The following MAP4 variants were observed in gnomAD, a reference collection of about 807,000 sequenced individuals.
MAP4 encodes the protein microtubule-associated protein 4.
In MAP4, 76 loss-of-function variants were observed where a neutral mutation model predicts 170.2. That is an observed-to-expected ratio of 0.45 (90% CI 0.37 to 0.54). The LOEUF (loss-of-function observed/expected upper bound fraction) is 0.54, where lower values mean the gene tolerates loss of function less well. Among genes scored for constraint, MAP4 ranks in the 20% least tolerant of loss-of-function variants. The pLI, the probability that MAP4 is intolerant of heterozygous loss-of-function variation, is 0.00. For synonymous variants in MAP4, 909 were observed against 994.5 expected (o/e 0.91, Z 1.62); for missense variants, 2,506 against 2,748.0 (o/e 0.91, Z 1.97).
At chr3:47,959,513 T>C (rs1464905703) in intron 3 of MAP4, among the ~76,000 whole-genome samples, 1 of 151,068 alleles carries the variant, frequency 6.6e-6, no homozygotes, top group Non-Finnish European at 1.5e-5. Context: ...TCCCAGCACT[T>C]TGGGAGGCCG....
At chr3:48,030,899 T>C (rs201480129) in intron 1 of MAP4, among the ~76,000 whole-genome samples, 16 of 135,014 alleles carry the variant, frequency 1.2e-4, no homozygotes, top group East Asian at 4.5e-4. Flanking sequence ...ATATAAACAA[T>C]AGACTGAATA....
chr3:47,867,274 T>C lies in MAP4; in HGVS notation c.6473A>G (p.Asn2158Ser), dbSNP rs374649835. The change falls in exon 17 of 21, where the codon AAT (asparagine) becomes AGT (serine). Residue 2158 changes from asparagine to serine, a missense_variant. Physicochemically the swap from Asn to Ser is conservative, Grantham distance 46. Around this residue, in one of 3 missense-constraint regions of MAP4, gnomAD observed 487 missense variants for 511.6 expected, o/e 0.95. Coordinates refer to ENST00000683076, the MANE Select transcript of MAP4 (RefSeq NM_001385682.1). ...ACCACCTCCAGGGACATGCTTAATA[T>C]TGTCCTTGGAACCACACTTGGACTG... ...HIQSKCGSKD[N>S]IKHVPGGGNV... is the part of the protein sequence containing the mutation. The C allele has an allele frequency of 3.1e-6, 5 of 1,613,200 alleles. No individual in the cohort carries two copies. The African/African-American group carries it at 6.7e-5, about 22-fold the overall frequency.
Position 47,998,851 on chromosome 3 carries a change from G to A in MAP4, c.10C>T (p.Leu4Phe). Reference protein sequence around the residue: MADLSLADALTEPS... With the variant: MADFSLADALTEPS... The stretch of plus-strand genomic sequence containing the variant: ...TCTGTTAATGCATCTGCAAGACTGA[G>A]GTCAGCCATTCTGCACCACTGCAAC... Residue 4 changes from leucine to phenylalanine, a missense_variant, in exon 2 of 21, where the codon CTC becomes TTC. By Grantham distance (22) the Leu-to-Phe change is conservative (BLOSUM62 0). Transcript: ENST00000683076. 1.2e-6 allele frequency: 2 copies of A among 1,613,618 alleles called. No individual in the cohort carries two copies. The highest frequency in any genetic ancestry group is 1.1e-5 in the South Asian group (1 of 91,068).
intron 3 of MAP4, among the ~76,000 whole-genome samples, chr3:47,939,580 G>GT (rs935708505): frequency 8.6e-5 from 13 of 150,670 alleles, no homozygotes; most frequent in East Asian, 3.9e-4. Context: ...GTGACATAAT[G>GT]TTTTTTTTTA....
chr3:47,942,781 A>T (rs2100057310), intron 3 of MAP4, among the ~76,000 whole-genome samples: 1 of 152,202 alleles, frequency 6.6e-6, no homozygotes, highest in Non-Finnish European at 1.5e-5. Flanking sequence ...GGAAAAATGT[A>T]TAAAGTTCTT....
rs1314140869 is a variant in MAP4, at chr3:48,087,693, A to ACG, written c.-20+1078_-20+1079dup. Among the ~76,000 whole-genome samples the ACG allele has an allele frequency of 1.1e-3, 162 of 151,542 alleles. 1 individual carries two copies. Among genetic ancestry groups the ACG allele is most frequent in the Non-Finnish European group, 1.4e-3 (97 of 67,846 alleles). On this transcript the variant is annotated intron_variant, in intron 1 of 18. Coordinates refer to the MAP4 transcript ENST00000360240. ...ACAGCAGCAGGGAAATGGGCGGGAG[A>ACG]CGCGCGCGCGCGCACACACACATAC...
At chr3:47,948,649 T>G (rs1277972282) in intron 3 of MAP4, among the ~76,000 whole-genome samples, 21 of 150,754 alleles carry the variant, frequency 1.4e-4, no homozygotes, top group Non-Finnish European at 3.0e-4. Context: ...TGAGACAGAG[T>G]CTCGCTCTGT....
At chr3:48,028,196 G>A (rs1157140586) in intron 1 of MAP4, among the ~76,000 whole-genome samples, 2 of 152,150 alleles carry the variant, frequency 1.3e-5, no homozygotes, top group East Asian at 1.9e-4. Flanking sequence ...GGAGGCTGAC[G>A]CAGGAGAATC....
chr3:47,887,452 G>GCTCGGGACCTGCAGCCCGCCATGC (rs2097787371), intron 10 of MAP4, among the ~76,000 whole-genome samples: 2 of 152,214 alleles, frequency 1.3e-5, no homozygotes, highest in Non-Finnish European at 2.9e-5. Context: ...GCGGGGCAGG[G>GCTCGGGACCTGCAGCCCGCCATGC]CTCGGGACCT....
At chr3:47,881,492 A>G (rs1327032743) in intron 10 of MAP4, among the ~76,000 whole-genome samples, 1 of 92,578 alleles carries the variant, frequency 1.1e-5, no homozygotes, top group Non-Finnish European at 2.2e-5. Flanking sequence ...ATATATATAT[A>G]TATATGCATA....
At chr3:48,064,909 C>T (rs2100137621) in intron 1 of MAP4, among the ~76,000 whole-genome samples, 1 of 152,130 alleles carries the variant, frequency 6.6e-6, no homozygotes, top group Non-Finnish European at 1.5e-5. Context: ...CCAAGCATTA[C>T]ATCACTAGGC....
chr3:47,920,268 GC>G (rs1422588397), intron 5 of MAP4, among the ~76,000 whole-genome samples: 1 of 151,346 alleles, frequency 6.6e-6, no homozygotes, highest in Non-Finnish European at 1.5e-5. Context: ...ACCACACTCG[GC>G]CTAATTTTTC....
chr3:47,877,452 T>C lies in MAP4; in HGVS notation c.5506A>G (p.Lys1836Glu), dbSNP rs2095684707. 1.2e-6 allele frequency: 2 copies of C among 1,614,010 alleles called. No individual in the cohort carries two copies. The highest frequency in any genetic ancestry group is 1.3e-5 in the African/African-American group (1 of 74,920). ...TTCTCTGGGCTTGGTGGGAGCTCCT[T>C]GTTCGGTGGGGTGGTGATGTCATTT... ...TGNDITTPPN[K>E]ELPPSPEKKT... The change falls in exon 11 of 21, where the codon AAG (lysine) becomes GAG (glutamate). Residue 1836 changes from lysine to glutamate, a missense_variant. Lys to Glu is a moderately conservative substitution (Grantham distance 56). Around this residue, in one of 3 missense-constraint regions of MAP4, gnomAD observed 2,008 missense variants for 2,206.0 expected, o/e 0.91. Coordinates refer to ENST00000683076, the MANE Select transcript of MAP4 (RefSeq NM_001385682.1).
intron 1 of MAP4, among the ~76,000 whole-genome samples, chr3:48,060,154 T>C (rs2100134423): frequency 6.6e-6 from 1 of 152,166 alleles, no homozygotes; most frequent in African/African-American, 2.4e-5. Flanking sequence ...GTAATCTCAA[T>C]TAGTAAAAAC....
intron 1 of MAP4, among the ~76,000 whole-genome samples, chr3:48,082,125 G>A (rs1449306563): frequency 6.6e-6 from 1 of 152,064 alleles, no homozygotes; most frequent in Non-Finnish European, 1.5e-5. Context: ...AATAAATGGG[G>A]GAGGCATAAA....
chr3:48,054,490 T>C (rs1476880031), intron 1 of MAP4, among the ~76,000 whole-genome samples: 1 of 150,620 alleles, frequency 6.6e-6, no homozygotes, highest in Non-Finnish European at 1.5e-5. Flanking sequence ...GGATTACAGG[T>C]GTGGTGGCGG....
chr3:47,884,161 T>C (rs552079372), intron 10 of MAP4, among the ~76,000 whole-genome samples: 57 of 152,332 alleles, frequency 3.7e-4, no homozygotes, highest in African/African-American at 1.3e-3. Flanking sequence ...GGTCTGAAGA[T>C]ATGTTTTTTC....
At chr3:47,853,043 G>A in intron 20 of MAP4, 105 bp from the exon 21 acceptor site, 1 of 1,614,234 alleles carries the variant, frequency 6.2e-7, no homozygotes, top group Non-Finnish European at 8.5e-7. Flanking sequence ...TAGATGCCTG[G>A]AAAATAAAAG....
chr3:47,950,629 T>C (rs760210555), intron 3 of MAP4, among the ~76,000 whole-genome samples: 7 of 151,990 alleles, frequency 4.6e-5, no homozygotes, highest in Non-Finnish European at 7.4e-5. Flanking sequence ...ATGACTGGGC[T>C]TGGTGGAGTT....
Sources: allele counts gnomAD v4.1 joint callset (sites outside exome capture counted in the v4.1 genomes callset), GRCh38; gene constraint gnomAD v4.1.1; regional missense constraint gnomAD v4.1.1; transcripts MANE v1.5; gene names NCBI Gene and HGNC (gene_info 2026-07-23, HGNC 2026-07-21).